The following TMEM169 variants were observed in gnomAD, a reference collection of about 807,000 sequenced individuals.
TMEM169 encodes the protein transmembrane protein 169.
In TMEM169, 18 loss-of-function variants were observed where a neutral mutation model predicts 27.3. That is an observed-to-expected ratio of 0.66 (90% CI 0.46 to 0.98). TMEM169 has a LOEUF of 0.98. Ranked by LOEUF, TMEM169 falls within the 50% of genes least tolerant of loss-of-function variation. The probability of loss-of-function intolerance (pLI) is 0.00; values close to 1 mark genes in which losing one functional copy is unlikely to be tolerated. For synonymous variants in TMEM169, 136 were observed against 142.1 expected (o/e 0.96, Z 0.30); for missense variants, 320 against 368.6 (o/e 0.87, Z 1.08).
chr2:216,088,475 A>G (rs919672765), intron 1 of TMEM169, among the ~76,000 whole-genome samples: 6 of 152,210 alleles, frequency 3.9e-5, no homozygotes, highest in African/African-American at 1.2e-4. Context: ...AAACAAACAA[A>G]CAAACAGACA....
intron 1 of TMEM169, among the ~76,000 whole-genome samples, chr2:216,090,793 T>C (rs1366698): frequency 0.31 from 47,789 of 151,918 alleles, 8,105 homozygotes; most frequent in East Asian, 0.66. Context: ...TCTTGGGTAA[T>C]TTGTTACATC....
In TMEM169 at chr2:216,100,749, A is replaced by C; in HGVS notation, c.*207A>C. 1.5e-6 allele frequency: 1 copy of C among 646,410 alleles called. No homozygotes were observed. The highest frequency in any genetic ancestry group is 2.6e-6 in the Non-Finnish European group (1 of 381,554). The allele number at this position is 646,410 out of a possible 1,614,324, so 40.0% of individuals were successfully genotyped here. A position where few individuals can be genotyped will look rare whatever the true frequency, so the allele number is the denominator to read the frequency against. On this transcript the variant is annotated 3_prime_UTR_variant, in exon 3 of 3. Transcript: ENST00000437356. ...TGCCAAAGCAGTTCACCCAATGGAC[A>C]AACTCTTTTTGATTCCCTGCCCTAA...
At position 216,081,953 on chromosome 2, in the gene TMEM169, C is replaced by T; in HGVS notation, c.-153C>T. ...CCCCGCCGGCTGTCCGCAACCTCCG[C>T]CAGCGTCGGTCCCTGGGCAGGTGTG... On this transcript the variant is annotated 5_prime_UTR_variant, in exon 1 of 3. Coordinates refer to ENST00000437356, the MANE Select transcript of TMEM169 (RefSeq NM_001142311.2). The T allele has an allele frequency of 1.8e-6, 1 of 566,716 alleles. No individual in the cohort carries two copies. Among genetic ancestry groups the T allele is most frequent in the East Asian group, 3.1e-5 (1 of 32,020 alleles). 35.1% of individuals were successfully genotyped at this position (566,716 alleles called of 1,614,324 possible).
At chr2:216,093,106 G>T (rs1431340139) in intron 1 of TMEM169, among the ~76,000 whole-genome samples, 1 of 148,994 alleles carries the variant, frequency 6.7e-6, no homozygotes, top group Non-Finnish European at 1.5e-5. Context: ...GTATATCCTG[G>T]AACTTAACGT....
chr2:216,090,188 AT>A, intron 1 of TMEM169, among the ~76,000 whole-genome samples: 1 of 152,232 alleles, frequency 6.6e-6, no homozygotes, highest in East Asian at 1.9e-4. Flanking sequence ...AGGTAAAGTT[AT>A]TTTTTTCTAG....
chr2:216,090,554 T>C (rs1454929767), intron 1 of TMEM169, among the ~76,000 whole-genome samples: 2 of 152,160 alleles, frequency 1.3e-5, no homozygotes, highest in Non-Finnish European at 2.9e-5. Context: ...CACTTCTGAC[T>C]CAGAGAAACT....
intron 1 of TMEM169, among the ~76,000 whole-genome samples, chr2:216,083,535 G>A (rs1695923443): frequency 6.6e-6 from 1 of 152,186 alleles, no homozygotes; most frequent in Non-Finnish European, 1.5e-5. Context: ...TAGATTCTTA[G>A]AGGTGTGCCA....
chr2:216,084,644 C>T (rs550378302), intron 1 of TMEM169, among the ~76,000 whole-genome samples: 1 of 152,244 alleles, frequency 6.6e-6, no homozygotes, highest in South Asian at 2.1e-4. Context: ...TAATGAGAGG[C>T]AGAGCAGGGA....
At chr2:216,089,060 G>A (rs1696070849) in intron 1 of TMEM169, among the ~76,000 whole-genome samples, 1 of 152,152 alleles carries the variant, frequency 6.6e-6, no homozygotes, top group Non-Finnish European at 1.5e-5. Flanking sequence ...GAGAATAGAG[G>A]ACAATGAATT....
chr2:216,092,215 A>G lies in TMEM169; in HGVS notation c.-126-3623A>G, dbSNP rs560076774. ...TGTTTATCTTTTATATCCCCAAGAG[A>G]CTCCAAAGCTTCTCTTAGCTACTAT... On this transcript the variant is annotated intron_variant, in intron 1 of 2. Transcript: ENST00000437356. 5.0e-4 allele frequency among the ~76,000 whole-genome samples: 76 copies of G among 151,856 alleles called. 1 individual carries two copies. Among genetic ancestry groups the G allele is most frequent in the Middle Eastern group, 3.4e-3 (1 of 294 alleles).
At chr2:216,088,264 C>G (rs1274658388) in intron 1 of TMEM169, among the ~76,000 whole-genome samples, 1 of 152,098 alleles carries the variant, frequency 6.6e-6, no homozygotes, top group East Asian at 1.9e-4. Context: ...TCGAGACCAT[C>G]CTGGCTAACA....
At chr2:216,084,588 A>G (rs1321879438) in intron 1 of TMEM169, among the ~76,000 whole-genome samples, 1 of 152,234 alleles carries the variant, frequency 6.6e-6, no homozygotes, top group Non-Finnish European at 1.5e-5. Flanking sequence ...AATAATGACA[A>G]ATGTTGGTAA....
intron 1 of TMEM169, among the ~76,000 whole-genome samples, chr2:216,094,541 A>G (rs898476274): frequency 2.6e-5 from 4 of 152,238 alleles, no homozygotes; most frequent in Non-Finnish European, 5.9e-5. Context: ...TCAACCAGAC[A>G]TTAGGGGACT....
chr2:216,085,190 G>A (rs1453621958), intron 1 of TMEM169, among the ~76,000 whole-genome samples: 9 of 152,096 alleles, frequency 5.9e-5, no homozygotes, highest in Admixed American at 5.9e-4. Context: ...AGATGTTTCT[G>A]GCTGGGTGGC....
intron 1 of TMEM169, among the ~76,000 whole-genome samples, chr2:216,084,671 G>A (rs981294089): frequency 2.6e-5 from 4 of 152,138 alleles, no homozygotes; most frequent in African/African-American, 7.2e-5. Flanking sequence ...TTTTTAGTTC[G>A]GGTGTCAAGA....
intron 2 of TMEM169, among the ~76,000 whole-genome samples, chr2:216,096,807 C>T (rs1696274588): frequency 6.6e-6 from 1 of 152,152 alleles, no homozygotes; most frequent in South Asian, 2.1e-4. Context: ...ACTGGTAACA[C>T]AAGCAGACTA....
In TMEM169 at chr2:216,096,116, C is replaced by T; in HGVS notation, c.153C>T (p.Ser51=). The change falls in exon 2 of 3, where the codon TCC becomes TCT. Residue 51 remains serine, a synonymous_variant. Transcript: ENST00000437356. The part of the protein sequence containing the change: ...KKKRKESRPE[S]IIIYRSDNEK... ...AGAGGAAAGAGTCACGCCCAGAATC[C>T]ATCATCATCTACCGCTCAGACAATG... 1 of 1,614,152 alleles carries T rather than the reference C, an allele frequency of 6.2e-7. No homozygotes were observed.
rs529799825 is a variant in TMEM169, at chr2:216,094,712, A to G, written c.-126-1126A>G. Reference sequence around the variant, plus strand: ...CACACTGTGGGGATGCAATCAGCAAAACCCAGGCTATGAGAATCTGCAAGA... The same window carrying G: ...CACACTGTGGGGATGCAATCAGCAAGACCCAGGCTATGAGAATCTGCAAGA... On this transcript the variant is annotated intron_variant, in intron 1 of 2. Transcript: ENST00000437356. Among the ~76,000 whole-genome samples, 28 of 152,340 alleles carry G rather than the reference A, an allele frequency of 1.8e-4. No homozygotes were observed. The South Asian group carries it at 5.4e-3, about 29-fold the overall frequency.
In TMEM169 at chr2:216,095,935, A is replaced by AT; in HGVS notation, c.-28dup. On this transcript the variant is annotated 5_prime_UTR_variant, in exon 2 of 3. Transcript: ENST00000437356. ...TTTACTCAAACAAGTCCAACTCTTT[A>AT]TAAGACATAGGTAGACGTCAGGTCT... 1 of 1,595,170 alleles carries AT rather than the reference A, an allele frequency of 6.3e-7. No individual in the cohort carries two copies. Among genetic ancestry groups the AT allele is most frequent in the South Asian group, 1.1e-5 (1 of 89,330 alleles).
Sources: gnomAD v4.1 joint callset for allele counts (sites outside exome capture counted in the v4.1 genomes callset) on GRCh38, gnomAD v4.1.1 for gene constraint, MANE v1.5 for transcripts, NCBI Gene and HGNC (gene_info 2026-07-23, HGNC 2026-07-21) for gene names.